The following UBE3C variants were observed in gnomAD, a reference collection of about 807,000 sequenced individuals.
UBE3C encodes ubiquitin-protein ligase E3C.
A neutral mutation model predicts 129.4 loss-of-function variants in UBE3C; 42 were observed. The ratio of observed to expected loss-of-function variants is 0.32; its 90% CI spans 0.25 to 0.42. The LOEUF (loss-of-function observed/expected upper bound fraction) is 0.42. UBE3C is among the 10% of genes least tolerant of loss of function. The probability of loss-of-function intolerance (pLI) is 1.00; values close to 1 mark genes in which losing one functional copy is unlikely to be tolerated. For missense variants in UBE3C, 1,049 were observed against 1,319.1 expected (o/e 0.80, Z 3.17); for synonymous variants, 510 against 492.4 (o/e 1.04, Z -0.47).
chr7:157,249,254 G>T (rs575622878), intron 19 of UBE3C, among the ~76,000 whole-genome samples: 11 of 151,762 alleles, frequency 7.2e-5, no homozygotes, highest in Non-Finnish European at 1.5e-5. Flanking sequence ...CCCACCTCCC[G>T]CAGGCAGCCA....
At chr7:157,259,384 A>G (rs1279981601) in intron 22 of UBE3C, among the ~76,000 whole-genome samples, 8 of 152,316 alleles carry the variant, frequency 5.3e-5, no homozygotes, top group African/African-American at 1.7e-4. Context: ...ATGTTCGTCA[A>G]TGTGATGTCG....
At chr7:157,259,237 G>A (rs1052984505) in intron 22 of UBE3C, among the ~76,000 whole-genome samples, 3 of 152,228 alleles carry the variant, frequency 2.0e-5, no homozygotes, top group African/African-American at 7.2e-5. Context: ...CAGCTCTTCA[G>A]GTGTTAGGCC....
At chr7:157,254,523 G>T (rs1048997743) in intron 21 of UBE3C, among the ~76,000 whole-genome samples, 1 of 151,252 alleles carries the variant, frequency 6.6e-6, no homozygotes, top group Non-Finnish European at 1.5e-5. Flanking sequence ...TCAGCCTCCC[G>T]AATAGCTGGG....
Position 157,182,232 on chromosome 7 carries a change from A to G in UBE3C, c.895A>G (p.Asn299Asp), listed in dbSNP as rs1364672926. Reference protein sequence around the residue: ...QTVFPYEPFLNALLLIESRCS... With the variant: ...QTVFPYEPFLDALLLIESRCS... Reference sequence around the variant, plus strand: ...CGTTTTCCCTTACGAGCCCTTTCTGAATGCACTGTTGTTAATAGAGAGTAG... The same window carrying G: ...CGTTTTCCCTTACGAGCCCTTTCTGGATGCACTGTTGTTAATAGAGAGTAG... The change falls in exon 8 of 23, where the codon AAT becomes GAT. Residue 299 changes from asparagine (N) to aspartate (D), a missense_variant. By Grantham distance (23) the Asn-to-Asp change is conservative. Transcript: ENST00000348165. 2 of 1,614,078 alleles carry G rather than the reference A, an allele frequency of 1.2e-6. No homozygotes were observed. The highest frequency in any genetic ancestry group is 1.7e-6 in the Non-Finnish European group (2 of 1,180,046).
rs534257123 is a variant in UBE3C at position 157,257,987 on chromosome 7, A to T, written c.3081+943A>T. On this transcript the variant is annotated intron_variant, in intron 22 of 22. Coordinates refer to ENST00000348165, the MANE Select transcript of UBE3C (RefSeq NM_014671.3). ...AAGTAAGATGAGCACTCGCTGTATC[A>T]CCCAGGCTGGAGTGCAGTGGTGTGA... Among the ~76,000 whole-genome samples the T allele has an allele frequency of 2.8e-5, 4 of 144,046 alleles. No individual in the cohort carries two copies. In the East Asian group the frequency reaches 8.2e-4, roughly 29 times the overall value. The allele number at this position is 144,046 out of a possible 152,430, so 94.5% of individuals were successfully genotyped here. A position where few individuals can be genotyped will look rare whatever the true frequency, so the allele number is the denominator to read the frequency against.
chr7:157,180,136 T>C (rs1808629141), intron 6 of UBE3C, among the ~76,000 whole-genome samples: 1 of 152,236 alleles, frequency 6.6e-6, no homozygotes, highest in South Asian at 2.1e-4. Flanking sequence ...GCATCTTCTG[T>C]GGTACAGCAG....
rs528483898 is a variant in UBE3C at position 157,197,757 on chromosome 7, A to G, written c.1332-3964A>G. ...CTGTACAATAAAGTTCCGGACATCC[A>G]GGATCCTGTGTGTACTATTGAATCT... On this transcript the variant is annotated intron_variant, in intron 10 of 22. Coordinates refer to ENST00000348165, the MANE Select transcript of UBE3C (RefSeq NM_014671.3). 8 of 1,611,554 alleles carry G rather than the reference A, an allele frequency of 5.0e-6. No homozygotes were observed. The East Asian group carries it at 1.6e-4, about 31-fold the overall frequency.
At chr7:157,177,803 C>G (rs1212961264) in intron 5 of UBE3C, among the ~76,000 whole-genome samples, 1 of 152,188 alleles carries the variant, frequency 6.6e-6, no homozygotes, top group Non-Finnish European at 1.5e-5. Flanking sequence ...CACCCAGAAC[C>G]CTGCACGTTA....
At chr7:157,198,496 C>T (rs2116977365) in intron 10 of UBE3C, 1 of 394,782 alleles carries the variant, frequency 2.5e-6, no homozygotes, top group Non-Finnish European at 4.6e-6. Flanking sequence ...AGCTCAGGGC[C>T]GCCGCCCTCC....
At position 157,267,946 on chromosome 7, in the gene UBE3C, C is replaced by T; in HGVS notation, c.*191C>T. The T allele has an allele frequency of 2.1e-6, 1 of 480,552 alleles. No homozygotes were observed. Among genetic ancestry groups the T allele is most frequent in the Non-Finnish European group, 3.6e-6 (1 of 280,160 alleles). 29.8% of individuals were successfully genotyped at this position (480,552 alleles called of 1,614,324 possible). On this transcript the variant is annotated 3_prime_UTR_variant, in exon 23 of 23. Transcript: ENST00000348165. ...CGGTGTGGTCACTTATTTAGATGGACATTGCTTTTCAAATAACTTAAAATA... is the reference window on the plus strand; with the variant it reads ...CGGTGTGGTCACTTATTTAGATGGATATTGCTTTTCAAATAACTTAAAATA...
intron 13 of UBE3C, among the ~76,000 whole-genome samples, chr7:157,208,613 GT>G (rs1448539663): frequency 6.6e-6 from 1 of 151,982 alleles, no homozygotes; most frequent in Non-Finnish European, 1.5e-5. Context: ...AGATTTTATT[GT>G]TTTTTCAAAC....
At chr7:157,153,454 A>G (rs1807814246) in intron 1 of UBE3C, among the ~76,000 whole-genome samples, 1 of 152,134 alleles carries the variant, frequency 6.6e-6, no homozygotes, top group Non-Finnish European at 1.5e-5. Context: ...GAGAGTCACA[A>G]TTCTCTTTCT....
chr7:157,183,527 C>T (rs7794035), intron 8 of UBE3C, among the ~76,000 whole-genome samples: 44,321 of 151,954 alleles, frequency 0.29, 9,617 homozygotes, highest in African/African-American at 0.62. Context: ...GAAGTTGGTG[C>T]GTGGGGCTGA....
intron 1 of UBE3C, among the ~76,000 whole-genome samples, chr7:157,147,481 GT>G (rs1179281343): frequency 6.6e-6 from 1 of 152,036 alleles, no homozygotes; most frequent in Non-Finnish European, 1.5e-5. Flanking sequence ...ACCAAAGACA[GT>G]TTTATTTCTT....
intron 18 of UBE3C, among the ~76,000 whole-genome samples, chr7:157,238,296 A>G (rs1796205551): frequency 6.6e-6 from 1 of 152,088 alleles, no homozygotes; most frequent in Non-Finnish European, 1.5e-5. Context: ...AGGGCAGCAG[A>G]ATCCGGCCTG....
chr7:157,177,748 C>A (rs1216237753), intron 5 of UBE3C, among the ~76,000 whole-genome samples: 1 of 152,174 alleles, frequency 6.6e-6, no homozygotes, highest in East Asian at 1.9e-4. Flanking sequence ...GCTGTTGAGA[C>A]AGAAGGCAGC....
At chr7:157,183,799 AG>A (rs1182159378) in intron 8 of UBE3C, 78 bp from the exon 9 acceptor site, 1 of 1,518,696 alleles carries the variant, frequency 6.6e-7, no homozygotes, top group Non-Finnish European at 8.9e-7. Context: ...TCTGCGTGTG[AG>A]GAAAAATGGC....
intron 1 of UBE3C, among the ~76,000 whole-genome samples, chr7:157,142,914 T>C (rs1037057487): frequency 6.6e-6 from 1 of 151,696 alleles, no homozygotes; most frequent in African/African-American, 2.4e-5. Flanking sequence ...TTGCCCAGGC[T>C]GGAGTGCAAT....
At chr7:157,182,350 T>C in intron 8 of UBE3C, 22 bp downstream of exon 8, 1 of 1,609,798 alleles carries the variant, frequency 6.2e-7, no homozygotes, top group Non-Finnish European at 8.5e-7. Context: ...AAGATCTTTT[T>C]TACCTGAACA....
Sources: gnomAD v4.1 joint callset for allele counts (sites outside exome capture counted in the v4.1 genomes callset) on GRCh38, gnomAD v4.1.1 for gene constraint, MANE v1.5 for transcripts, NCBI Gene and HGNC (gene_info 2026-07-23, HGNC 2026-07-21) for gene names.